The following CBLN2 variants were observed in gnomAD, a reference collection of about 807,000 sequenced individuals.
CBLN2 encodes cerebellin 2 precursor, also known as cerebellin-2.
CBLN2 carries 7 observed loss-of-function variants against 15.0 expected under a neutral mutation model. The ratio of observed to expected loss-of-function variants is 0.47; its 90% CI spans 0.27 to 0.88. The LOEUF (loss-of-function observed/expected upper bound fraction) is 0.88, where lower values mean the gene tolerates loss of function less well. Among genes scored for constraint, CBLN2 ranks in the 40% least tolerant of loss-of-function variants. The pLI, the probability that CBLN2 is intolerant of heterozygous loss-of-function variation, is 0.14. For synonymous variants in CBLN2, 149 were observed against 135.2 expected (o/e 1.10, Z -0.71); for missense variants, 242 against 304.5 (o/e 0.79, Z 1.53).
upstream of CBLN2, among the ~76,000 whole-genome samples, chr18:72,547,911 T>A (rs1297080907): frequency 2.6e-5 from 4 of 152,246 alleles, no homozygotes; most frequent in Non-Finnish European, 5.9e-5. Flanking sequence ...CAAAATATGT[T>A]TTCTTTTCAA....
At chr18:72,585,995 G>T (rs908673213) in intron 1 of CBLN2, among the ~76,000 whole-genome samples, 26 of 152,338 alleles carry the variant, frequency 1.7e-4, no homozygotes, top group Admixed American at 1.2e-3. Context: ...AGTTGCCTGT[G>T]GGGGCAGGAG....
At chr18:72,627,465 G>A (rs192252812) in intron 1 of CBLN2, among the ~76,000 whole-genome samples, 12 of 152,298 alleles carry the variant, frequency 7.9e-5, no homozygotes, top group African/African-American at 2.4e-4. Context: ...AGGACTATGC[G>A]TTGCTCAAAT....
At chr18:72,554,280 G>GT (rs2069209909) in intron 1 of CBLN2, among the ~76,000 whole-genome samples, 1 of 151,692 alleles carries the variant, frequency 6.6e-6, no homozygotes. Flanking sequence ...GAGGATGTTT[G>GT]CAAGAAAGTG....
At chr18:72,577,834 A>C (rs920058584) in intron 1 of CBLN2, among the ~76,000 whole-genome samples, 3 of 152,204 alleles carry the variant, frequency 2.0e-5, no homozygotes, top group African/African-American at 7.2e-5. Flanking sequence ...GTAGCATAAT[A>C]GTTTGTACTA....
intron 1 of CBLN2, among the ~76,000 whole-genome samples, chr18:72,598,479 C>T (rs2069527092): frequency 6.6e-6 from 1 of 152,176 alleles, no homozygotes; most frequent in Admixed American, 6.5e-5. Context: ...CAAAAGAGGC[C>T]TCTCCTGGAG....
At chr18:72,601,797 C>T (rs893756195) in intron 1 of CBLN2, among the ~76,000 whole-genome samples, 6 of 152,200 alleles carry the variant, frequency 3.9e-5, no homozygotes, top group African/African-American at 7.2e-5. Context: ...GGGGCTCCAG[C>T]GCTCACTGGT....
intron 1 of CBLN2, among the ~76,000 whole-genome samples, chr18:72,584,483 T>C (rs187824481): frequency 6.6e-6 from 1 of 151,934 alleles, no homozygotes; most frequent in East Asian, 1.9e-4. Context: ...TTAATTTTTT[T>C]AGTAGAGCTA....
intron 1 of CBLN2, among the ~76,000 whole-genome samples, chr18:72,613,938 A>G (rs1340594929): frequency 6.6e-6 from 1 of 152,140 alleles, no homozygotes; most frequent in African/African-American, 2.4e-5. Flanking sequence ...GTCTTCTAAG[A>G]CAATATATCC....
chr18:72,576,939 A>G (rs12971169), intron 1 of CBLN2, among the ~76,000 whole-genome samples: 105,532 of 147,162 alleles, frequency 0.72, 38,369 homozygotes, highest in South Asian at 0.87. Flanking sequence ...AATTTTATAT[A>G]TATATAAATG....
In CBLN2 at chr18:72,609,684, C is replaced by G. The variant is rs577551382; in HGVS notation, c.15+28641G>C. Among the ~76,000 whole-genome samples the G allele has an allele frequency of 7.2e-5, 11 of 152,244 alleles. No homozygotes were observed. In the South Asian group the frequency reaches 1.2e-3, roughly 17 times the overall value. ...AGTTTCAAAGGAGGTTTCAATTTGC[C>G]ATCCCCAGGTGCCATCCCTGTCACT... On this transcript the variant is annotated intron_variant, in intron 1 of 2. Transcript: ENST00000581073.
intron 1 of CBLN2, among the ~76,000 whole-genome samples, chr18:72,601,722 A>G (rs372106041): frequency 1.3e-5 from 2 of 151,930 alleles, no homozygotes; most frequent in East Asian, 1.9e-4. Flanking sequence ...TCCCCACCCC[A>G]TTTTGCAACA....
intron 1 of CBLN2, among the ~76,000 whole-genome samples, chr18:72,579,661 G>A (rs1390242719): frequency 1.3e-5 from 2 of 152,082 alleles, no homozygotes; most frequent in African/African-American, 2.4e-5. Context: ...GAACCTGGGA[G>A]GCAGAGGTTA....
At chr18:72,600,888 A>C (rs75724521) in intron 1 of CBLN2, among the ~76,000 whole-genome samples, 12,121 of 152,212 alleles carry the variant, frequency 0.08, 507 homozygotes, top group East Asian at 0.13. Context: ...AGGTGGGGTC[A>C]CATGACCTGT....
chr18:72,612,690 T>C (rs2069630446), intron 1 of CBLN2, among the ~76,000 whole-genome samples: 1 of 152,228 alleles, frequency 6.6e-6, no homozygotes, highest in South Asian at 2.1e-4. Context: ...TGCGGAGATT[T>C]GTCTGATCTG....
At chr18:72,572,716 G>C (rs1390231714) in intron 1 of CBLN2, among the ~76,000 whole-genome samples, 1 of 152,016 alleles carries the variant, frequency 6.6e-6, no homozygotes, top group African/African-American at 2.4e-5. Flanking sequence ...ATCACGTCCA[G>C]CTTGCTTTTG....
intron 1 of CBLN2, among the ~76,000 whole-genome samples, chr18:72,574,093 G>A (rs1188156032): frequency 1.3e-5 from 2 of 152,082 alleles, no homozygotes; most frequent in African/African-American, 2.4e-5. Context: ...CTTTGATGAG[G>A]TGTCTGTTTA....
intron 1 of CBLN2, among the ~76,000 whole-genome samples, chr18:72,602,955 ATGGTGTGC>A (rs1324819453): frequency 6.6e-6 from 1 of 152,122 alleles, no homozygotes; most frequent in Non-Finnish European, 1.5e-5. Context: ...TTCTCCTTCC[ATGGTGTGC>A]TGGAGGCAAA....
chr18:72,561,552 T>G (rs2069261678), intron 1 of CBLN2, among the ~76,000 whole-genome samples: 1 of 152,184 alleles, frequency 6.6e-6, no homozygotes, highest in African/African-American at 2.4e-5. Context: ...TAACAGGAAC[T>G]TGAGATTTTA....
upstream of CBLN2, among the ~76,000 whole-genome samples, chr18:72,545,700 G>T (rs1378872240): frequency 6.6e-6 from 1 of 152,122 alleles, no homozygotes; most frequent in Non-Finnish European, 1.5e-5. Context: ...AGATAGCAAA[G>T]AACACTAGAT....
Sources: allele counts gnomAD v4.1 joint callset (sites outside exome capture counted in the v4.1 genomes callset), GRCh38; gene constraint gnomAD v4.1.1; transcripts MANE v1.5; gene names NCBI Gene and HGNC (gene_info 2026-07-23, HGNC 2026-07-21).